The following DNAJC13 variants were observed in gnomAD, a reference collection of about 807,000 sequenced individuals.
The protein encoded by DNAJC13 is dnaJ homolog subfamily C member 13.
Under a neutral mutation model 290.5 loss-of-function variants are expected in DNAJC13, and 75 were observed. The ratio of observed to expected loss-of-function variants is 0.26; its 90% CI spans 0.21 to 0.31. DNAJC13 has a LOEUF of 0.31. Ranked by LOEUF, DNAJC13 falls within the 10% of genes least tolerant of loss-of-function variation. DNAJC13 has a pLI of 1.00. For missense variants in DNAJC13, 2,260 were observed against 2,674.5 expected (o/e 0.85, Z 3.42); for synonymous variants, 862 against 892.0 (o/e 0.97, Z 0.60).
chr3:132,472,590 T>C, intron 20 of DNAJC13: 1 of 985,472 alleles, frequency 1.0e-6, no homozygotes, highest in Non-Finnish European at 1.2e-6. Context: ...AAGTTCCTGC[T>C]ACGTGTGTGA....
chr3:132,507,473 CTTTTT>C (rs55927833), intron 43 of DNAJC13, 120 bp downstream of exon 43: 3 of 532,026 alleles, frequency 5.6e-6, no homozygotes, highest in Non-Finnish European at 3.2e-6. Flanking sequence ...TACTGTGCTG[CTTTTT>C]TTTTTTTAAC....
At chr3:132,509,828 A>G (rs1030324875) in intron 43 of DNAJC13, among the ~76,000 whole-genome samples, 5 of 152,178 alleles carry the variant, frequency 3.3e-5, no homozygotes, top group African/African-American at 1.2e-4. Flanking sequence ...TAGACATGAT[A>G]CTATTGTACA....
chr3:132,489,985 A>G (rs1935011553), intron 31 of DNAJC13, among the ~76,000 whole-genome samples: 1 of 152,186 alleles, frequency 6.6e-6, no homozygotes, highest in South Asian at 2.1e-4. Flanking sequence ...ATTTCAGCTA[A>G]CAGTATTTTG....
At position 132,483,440 on chromosome 3, in the gene DNAJC13, T is replaced by C; in HGVS notation, c.3045T>C (p.Asp1015=). ...CCAGATGCTGGGCTCAAGGCATGGA[T>C]GGATGGCGACCACTTCAGTCCATAC... ...AKTRCWAQGM[D]GWRPLQSIPQ... is the part of the protein sequence containing the mutation. Residue 1015 remains aspartate (D), a synonymous_variant, in exon 28 of 56, where the codon GAT becomes GAC. Transcript: ENST00000260818. The C allele has an allele frequency of 1.9e-6, 3 of 1,614,172 alleles. No homozygotes were observed. The highest frequency in any genetic ancestry group is 1.7e-6 in the Non-Finnish European group (2 of 1,180,024).
chr3:132,476,024 C>T (rs1050790599), intron 22 of DNAJC13, among the ~76,000 whole-genome samples: 2 of 152,208 alleles, frequency 1.3e-5, no homozygotes, highest in East Asian at 1.9e-4. Flanking sequence ...GCCTCTGCCT[C>T]ATTGGCTCAA....
intron 55 of DNAJC13, among the ~76,000 whole-genome samples, chr3:132,531,575 A>G (rs1352476400): frequency 6.6e-6 from 1 of 152,204 alleles, no homozygotes; most frequent in Non-Finnish European, 1.5e-5. Flanking sequence ...AGGCGGGTGA[A>G]TCACGAGGTC....
intron 43 of DNAJC13, among the ~76,000 whole-genome samples, chr3:132,507,688 C>G (rs976673902): frequency 4.6e-5 from 7 of 152,098 alleles, no homozygotes; most frequent in Non-Finnish European, 8.8e-5. Context: ...TGAAGTTCAT[C>G]AATAGTGAAC....
intron 48 of DNAJC13, among the ~76,000 whole-genome samples, chr3:132,517,931 C>G (rs1276648657): frequency 6.6e-6 from 1 of 152,164 alleles, no homozygotes; most frequent in Non-Finnish European, 1.5e-5. Flanking sequence ...GTTGATGAGA[C>G]AAGCAAGATT....
chr3:132,477,454 A>AGT (rs1231536848), intron 22 of DNAJC13, among the ~76,000 whole-genome samples: 4 of 152,218 alleles, frequency 2.6e-5, no homozygotes, highest in Non-Finnish European at 5.9e-5. Context: ...GAAGACCTGA[A>AGT]GTAGTGTATG....
chr3:132,507,304 G>A lies in DNAJC13; in HGVS notation c.5066G>A (p.Gly1689Glu). ...GATCATGCCAAAGAACTTATTGTAG[G>A]GGAGATTTTTGTTAGGGTGTATAAT... ...YSDHAKELIVGEIFVRVYNEV... is the reference protein window; with the variant it reads ...YSDHAKELIVEEIFVRVYNEV... Residue 1689 changes from glycine (G) to glutamate (E), a missense_variant, in exon 43 of 56, where the codon GGG becomes GAG. Transcript: ENST00000260818. 1 of 1,613,392 alleles carries A rather than the reference G, an allele frequency of 6.2e-7. No individual in the cohort carries two copies. The highest frequency in any genetic ancestry group is 1.3e-5 in the African/African-American group (1 of 74,996).
chr3:132,456,573 C>T lies in DNAJC13; in HGVS notation c.1172C>T (p.Thr391Ile). 1 of 1,613,800 alleles carries T rather than the reference C, an allele frequency of 6.2e-7. No homozygotes were observed. Among genetic ancestry groups the T allele is most frequent in the Non-Finnish European group, 8.5e-7 (1 of 1,179,820 alleles). ...TACAGTGGAGTCCTACATGCAGTAA[C>T]ACAAGATGTAAGCTAAGTTTTATCA... Reference protein sequence around the residue: ...ISYSGVLHAVTQDGLFSENKE... With the variant: ...ISYSGVLHAVIQDGLFSENKE... Residue 391 changes from threonine (T) to isoleucine (I), a missense_variant, in exon 11 of 56, where the codon ACA becomes ATA. By Grantham distance (89) the Thr-to-Ile change is moderately conservative. Transcript: ENST00000260818.
Position 132,522,839 on chromosome 3 carries a change from G to T in DNAJC13, c.5685G>T (p.Thr1895=), listed in dbSNP as rs140708088. The T allele has an allele frequency of 1.1e-4, 175 of 1,606,422 alleles. No individual in the cohort carries two copies. The African/African-American group carries it at 1.9e-3, about 17-fold the overall frequency. Reference sequence around the variant, plus strand: ...ACTTCCTCGTATAGGTTCGAATTACGTTAATGAAATTTCTACCAAGCGTTT... The same window carrying T: ...ACTTCCTCGTATAGGTTCGAATTACTTTAATGAAATTTCTACCAAGCGTTT... ...DKLIGPKVRI[T]LMKFLPSVFM... Residue 1895 remains threonine (T), a synonymous_variant, in exon 49 of 56, where the codon ACG becomes ACT. Coordinates refer to ENST00000260818, the MANE Select transcript of DNAJC13 (RefSeq NM_015268.4).
At chr3:132,511,727 A>G (rs1935783990) in intron 44 of DNAJC13, among the ~76,000 whole-genome samples, 1 of 152,166 alleles carries the variant, frequency 6.6e-6, no homozygotes, top group African/African-American at 2.4e-5. Flanking sequence ...CATCTTTAAG[A>G]GGACATTTCC....
At position 132,494,258 on chromosome 3, in the gene DNAJC13, C is replaced by T. The variant is rs770759461; in HGVS notation, c.3940C>T (p.Pro1314Ser). 1.9e-6 allele frequency: 3 copies of T among 1,609,664 alleles called. No individual in the cohort carries two copies. Among genetic ancestry groups the T allele is most frequent in the Non-Finnish European group, 8.5e-7 (1 of 1,176,518 alleles). The change falls in exon 34 of 56, where the codon CCG becomes TCG. Residue 1314 changes from proline to serine, a missense_variant and splice_region_variant. Pro to Ser is a moderately conservative substitution (Grantham distance 74, BLOSUM62 -1). Around this residue, in one of 3 missense-constraint regions of DNAJC13, gnomAD observed 1,494 missense variants for 1,693.7 expected, o/e 0.88. Transcript: ENST00000260818. ...GCTTAATCTGCCTCAAGGACAGGGA[C>T]CGTGAGTTGTTTTCAGTACAATAGC... The part of the protein sequence containing the change: ...EVLNLPQGQG[P>S]HDESKIRKAY...
chr3:132,424,140 T>C (rs566699412), intron 1 of DNAJC13, among the ~76,000 whole-genome samples: 2 of 152,302 alleles, frequency 1.3e-5, no homozygotes, highest in Non-Finnish European at 2.9e-5. Flanking sequence ...ATAGCAATGA[T>C]TTCAAAGCAT....
At chr3:132,427,072 CAT>C (rs200537999) in intron 1 of DNAJC13, among the ~76,000 whole-genome samples, 10 of 111,890 alleles carry the variant, frequency 8.9e-5, no homozygotes, top group African/African-American at 3.0e-4. Context: ...TTTATATATA[CAT>C]ATGTGTGTGT....
chr3:132,482,490 C>T (rs1387770305), intron 27 of DNAJC13, among the ~76,000 whole-genome samples, 160 bp downstream of exon 27: 1 of 152,142 alleles, frequency 6.6e-6, no homozygotes. Flanking sequence ...AAATGGAGAA[C>T]CAAACATACA....
intron 2 of DNAJC13, among the ~76,000 whole-genome samples, chr3:132,446,028 G>C (rs532957544): frequency 6.6e-6 from 1 of 152,074 alleles, no homozygotes; most frequent in African/African-American, 2.4e-5. Flanking sequence ...TAAGATTCCA[G>C]GATATGGCTG....
intron 1 of DNAJC13, among the ~76,000 whole-genome samples, chr3:132,421,901 A>G (rs762325777): frequency 9.2e-5 from 14 of 152,240 alleles, no homozygotes; most frequent in Non-Finnish European, 1.9e-4. Context: ...ATCTCTGTAT[A>G]TTAAACCCTG....
Sources: gnomAD v4.1 joint callset for allele counts (sites outside exome capture counted in the v4.1 genomes callset) on GRCh38, gnomAD v4.1.1 for gene constraint, gnomAD v4.1.1 regional missense constraint, MANE v1.5 for transcripts, NCBI Gene and HGNC (gene_info 2026-07-23, HGNC 2026-07-21) for gene names.